Variants in ADGRA3 observed in about 807,000 individuals in gnomAD.
The protein encoded by ADGRA3 is G-protein coupled receptor 125.
Under a neutral mutation model 119.8 loss-of-function variants are expected in ADGRA3, and 56 were observed. The observed-to-expected ratio is 0.47, with a 90% confidence interval of 0.38 to 0.58. The LOEUF is 0.58. ADGRA3 is among the 20% of genes least tolerant of loss of function. The pLI, the probability that ADGRA3 is intolerant of heterozygous loss-of-function variation, is 0.00. For synonymous variants in ADGRA3, 607 were observed against 623.8 expected, an observed-to-expected ratio of 0.97 and a Z score of 0.40; for missense variants, 1,516 against 1,649.0, an observed-to-expected ratio of 0.92 and a Z score of 1.40.
rs2109025579 is a variant in ADGRA3, at chr4:22,414,499, G to T, written c.1810-685C>A. Reference sequence around the variant, plus strand: ...AAAAATATATATATACCAAAGAAGTGAACAATTAACCATCTAAAAACATTC... The same window carrying T: ...AAAAATATATATATACCAAAGAAGTTAACAATTAACCATCTAAAAACATTC... On this transcript the variant is annotated intron_variant, in intron 12 of 18. Transcript: ENST00000334304. 3 of 598,296 alleles carry T rather than the reference G, an allele frequency of 5.0e-6. No homozygotes were observed. In the East Asian group the frequency reaches 8.6e-5, roughly 17 times the overall value. 37.1% of individuals were successfully genotyped at this position (598,296 alleles called of 1,614,324 possible).
At chr4:22,503,248 G>A (rs917242202) in intron 1 of ADGRA3, among the ~76,000 whole-genome samples, 1 of 152,134 alleles carries the variant, frequency 6.6e-6, no homozygotes, top group African/African-American at 2.4e-5. Flanking sequence ...TAAACAAACA[G>A]CAGGTTAAAA....
chr4:22,431,624 C>T (rs1716173969), intron 10 of ADGRA3, among the ~76,000 whole-genome samples: 1 of 152,124 alleles, frequency 6.6e-6, no homozygotes, highest in South Asian at 2.1e-4. Context: ...TAAGACATGA[C>T]TTTGCTCCTC....
chr4:22,432,707 G>A (rs1716236495), intron 10 of ADGRA3, among the ~76,000 whole-genome samples: 1 of 152,050 alleles, frequency 6.6e-6, no homozygotes, highest in Admixed American at 6.6e-5. Flanking sequence ...TGCCTGACAA[G>A]ACAACCTTTA....
intron 7 of ADGRA3, among the ~76,000 whole-genome samples, chr4:22,439,833 T>G (rs1457415267): frequency 6.6e-6 from 1 of 152,182 alleles, no homozygotes; most frequent in Non-Finnish European, 1.5e-5. Context: ...TTCACTGACA[T>G]AGTAACTTTG....
chr4:22,463,615 G>A (rs932016478), intron 2 of ADGRA3, among the ~76,000 whole-genome samples: 8 of 152,158 alleles, frequency 5.3e-5, no homozygotes, highest in African/African-American at 1.2e-4. Context: ...CACATTCAAC[G>A]TTACTGTCCC....
At chr4:22,503,760 C>T (rs895154088) in intron 1 of ADGRA3, among the ~76,000 whole-genome samples, 6 of 152,096 alleles carry the variant, frequency 3.9e-5, no homozygotes, top group African/African-American at 7.2e-5. Context: ...ATTTACCGAT[C>T]GCATTTACTA....
chr4:22,416,161 A>C (rs1279156300), intron 12 of ADGRA3, among the ~76,000 whole-genome samples: 2 of 152,192 alleles, frequency 1.3e-5, no homozygotes, highest in Admixed American at 1.3e-4. Flanking sequence ...CACTTACTTC[A>C]TTTGGTGCAT....
At chr4:22,426,828 T>C (rs1715956540) in intron 10 of ADGRA3, among the ~76,000 whole-genome samples, 1 of 152,188 alleles carries the variant, frequency 6.6e-6, no homozygotes, top group Admixed American at 6.5e-5. Context: ...CCTCAGTTGG[T>C]TCATTTTTTT....
At chr4:22,403,758 A>T (rs1456389189) in intron 14 of ADGRA3, among the ~76,000 whole-genome samples, 1 of 152,116 alleles carries the variant, frequency 6.6e-6, no homozygotes, top group African/African-American at 2.4e-5. Flanking sequence ...AAAATAATTT[A>T]AAAAAATAAA....
At chr4:22,509,076 G>A (rs1461521265) in intron 1 of ADGRA3, among the ~76,000 whole-genome samples, 1 of 152,180 alleles carries the variant, frequency 6.6e-6, no homozygotes, top group African/African-American at 2.4e-5. Flanking sequence ...GGTTCAAGAA[G>A]AAGAAACCCA....
chr4:22,436,645 G>A lies in ADGRA3; in HGVS notation c.1086-4C>T, dbSNP rs557504541. On this transcript the variant is annotated splice_region_variant and splice_polypyrimidine_tract_variant and intron_variant, in intron 8 of 18. Coordinates refer to ENST00000334304, the MANE Select transcript of ADGRA3 (RefSeq NM_145290.4). ...GCCTGCCAATGTTCTGGGCCATCTA[G>A]AGATGAAGACAAAATAGTACAAGAA... 20 of 1,612,864 alleles carry A rather than the reference G, an allele frequency of 1.2e-5. No individual in the cohort carries two copies. The African/African-American group carries it at 2.7e-4, about 21-fold the overall frequency.
At chr4:22,408,895 T>C (rs1485049099) in intron 14 of ADGRA3, among the ~76,000 whole-genome samples, 1 of 152,190 alleles carries the variant, frequency 6.6e-6, no homozygotes, top group African/African-American at 2.4e-5. Context: ...GAACAAACTT[T>C]GGCATATTGA....
At chr4:22,454,356 A>G (rs544690804) in intron 4 of ADGRA3, among the ~76,000 whole-genome samples, 1 of 152,266 alleles carries the variant, frequency 6.6e-6, no homozygotes, top group Middle Eastern at 3.4e-3. Flanking sequence ...AAGTCAAACA[A>G]TTCACCCCAG....
chr4:22,390,313 C>T (rs567494135), intron 17 of ADGRA3, among the ~76,000 whole-genome samples: 3 of 90,250 alleles, frequency 3.3e-5, no homozygotes, highest in African/African-American at 9.2e-5. Context: ...GCATGCTTCT[C>T]TACTGCTTAT....
chr4:22,515,724 G>C lies in ADGRA3; in HGVS notation c.61C>G (p.Leu21Val), dbSNP rs781095724. The C allele has an allele frequency of 6.2e-4, 655 of 1,055,964 alleles. 1 individual carries two copies. The African/African-American group carries it at 0.01, about 16-fold the overall frequency. The allele number at this position is 1,055,964 out of a possible 1,614,324, so 65.4% of individuals were successfully genotyped here. Reference protein sequence around the residue: ...AQPPLLLPLSLLALLALLGGG... With the variant: ...AQPPLLLPLSVLALLALLGGG... ...CCCAGCAGCGCGAGCAGCGCTAACA[G>C]CGAGAGCGGCAGCAACAGCGGCGGC... Residue 21 changes from leucine (L) to valine (V), a missense_variant, in exon 1 of 19, where the codon CTG (leucine) becomes GTG (valine). Transcript: ENST00000334304.
In ADGRA3 at chr4:22,438,482, T is replaced by C. The variant is rs1716484545; in HGVS notation, c.921-62A>G. The C allele has an allele frequency of 4.6e-6, 6 of 1,302,400 alleles. 1 individual carries two copies. Among genetic ancestry groups the C allele is most frequent in the Non-Finnish European group, 5.4e-6 (5 of 927,988 alleles). 80.7% of individuals were successfully genotyped at this position (1,302,400 alleles called of 1,614,324 possible). On this transcript the variant is annotated intron_variant, in intron 7 of 18. Transcript: ENST00000334304. Reference sequence around the variant, plus strand: ...AATTAGGCAAAAAAGGAGACAATAATGGGTCTCAATCATTAATTTAGCAAA... The same window carrying C: ...AATTAGGCAAAAAAGGAGACAATAACGGGTCTCAATCATTAATTTAGCAAA...
In ADGRA3 at chr4:22,413,700, G is replaced by A. The variant is rs146115905; in HGVS notation, c.1924C>T (p.Arg642Cys). The change falls in exon 13 of 19, where the codon CGC (arginine) becomes TGC (cysteine). Residue 642 changes from arginine (R) to cysteine (C), a missense_variant. Transcript: ENST00000334304. ...SLYKLQLIAFRNGKLFPATGN... is the reference protein window; with the variant it reads ...SLYKLQLIAFCNGKLFPATGN... ...GTGGCTGGAAAAAGCTTTCCATTGC[G>A]GAATGCAATGAGTTGAAGCTTGTAA... 31 of 1,613,546 alleles carry A rather than the reference G, an allele frequency of 1.9e-5. No individual in the cohort carries two copies. The African/African-American group carries it at 3.1e-4, about 16-fold the overall frequency.
At chr4:22,450,822 T>G (rs1717008049) in intron 4 of ADGRA3, among the ~76,000 whole-genome samples, 1 of 151,934 alleles carries the variant, frequency 6.6e-6, no homozygotes, top group South Asian at 2.1e-4. Context: ...TAAATCAACA[T>G]GTACTCTATT....
intron 2 of ADGRA3, among the ~76,000 whole-genome samples, chr4:22,467,032 G>A (rs1175571887): frequency 6.6e-6 from 1 of 152,140 alleles, no homozygotes; most frequent in Admixed American, 6.5e-5. Context: ...GGAGAATGCG[G>A]TATCTCATTA....
Sources: allele counts gnomAD v4.1 joint callset (sites outside exome capture counted in the v4.1 genomes callset), GRCh38; gene constraint gnomAD v4.1.1; transcripts MANE v1.5; gene names NCBI Gene and HGNC (gene_info 2026-07-23, HGNC 2026-07-21).